ODAD1: variants seen among roughly 807,000 people sequenced by gnomAD.
ODAD1 encodes outer dynein arm-docking complex subunit 1.
In ODAD1, 49 loss-of-function variants were observed where a neutral mutation model predicts 67.2. The ratio of observed to expected loss-of-function variants is 0.73; its 90% CI spans 0.58 to 0.92. The LOEUF is 0.92. ODAD1 is among the 40% of genes least tolerant of loss of function. The pLI is 0.00. For missense variants in ODAD1, 897 were observed against 953.7 expected (o/e 0.94, Z 0.78); for synonymous variants, 345 against 393.7 (o/e 0.88, Z 1.46).
Position 48,318,958 on chromosome 19 carries a change from C to A in ODAD1, c.71-146G>T, listed in dbSNP as rs1600876291. The A allele has an allele frequency of 2.0e-5, 12 of 610,506 alleles. No individual in the cohort carries two copies. The East Asian group carries it at 3.3e-4, about 17-fold the overall frequency. 37.8% of individuals were successfully genotyped at this position (610,506 alleles called of 1,614,324 possible). On this transcript the variant is annotated intron_variant, in intron 3 of 15. Transcript: ENST00000674294. ...AGCCCCCAACACCCCTCTAGGAATGCACCTCAGTTCCGGGATCCCTCGAGC... is the reference window on the plus strand; with the variant it reads ...AGCCCCCAACACCCCTCTAGGAATGAACCTCAGTTCCGGGATCCCTCGAGC...
intron 1 of ODAD1, among the ~76,000 whole-genome samples, chr19:48,321,198 A>T (rs1221929184): frequency 6.6e-6 from 1 of 152,208 alleles, no homozygotes; most frequent in Non-Finnish European, 1.5e-5. Flanking sequence ...AGATCCCGCC[A>T]CTGCACTCCA....
chr19:48,296,917 GAC>G lies in ODAD1; in HGVS notation c.*57_*58del. ...CCACAAGGCAAACAGGGGAAGTAGA[GAC>G]ACAAAAAAAGACCCCACAGAGAGCC... On this transcript the variant is annotated 3_prime_UTR_variant, in exon 16 of 16. Transcript: ENST00000674294. 1 of 1,487,562 alleles carries G rather than the reference GAC, an allele frequency of 6.7e-7. No homozygotes were observed. Among genetic ancestry groups the G allele is most frequent in the South Asian group, 1.4e-5 (1 of 73,502 alleles). The allele number at this position is 1,487,562 out of a possible 1,614,324, so 92.1% of individuals were successfully genotyped here. A position where few individuals can be genotyped will look rare whatever the true frequency, so the allele number is the denominator to read the frequency against.
intron 12 of ODAD1, among the ~76,000 whole-genome samples, chr19:48,300,270 T>A (rs28860013): frequency 0.027 from 4,073 of 152,148 alleles, 166 homozygotes; most frequent in African/African-American, 0.086. Flanking sequence ...GCCACTGCAC[T>A]CCAGCCTGGG....
At chr19:48,303,331 C>T (rs1029912262) in intron 10 of ODAD1, 11 of 610,152 alleles carry the variant, frequency 1.8e-5, no homozygotes, top group African/African-American at 5.6e-5. Context: ...GCCAGAGACT[C>T]GGCAATAGCA....
At chr19:48,314,659 T>A (rs1968852419) in intron 5 of ODAD1, among the ~76,000 whole-genome samples, 1 of 151,924 alleles carries the variant, frequency 6.6e-6, no homozygotes, top group South Asian at 2.1e-4. Context: ...ACCCAATTGT[T>A]GGTGGGCGCA....
rs1227970016 is a variant in ODAD1, at chr19:48,318,543, G to T, written c.204C>A (p.Gly68=). The change falls in exon 5 of 16, where the codon GGC becomes GGA. Residue 68 remains glycine, a synonymous_variant. Coordinates refer to ENST00000674294, the MANE Select transcript of ODAD1 (RefSeq NM_001364171.2). ...EEIRRLEEVR[G]DLQVQISAAQ... ...CTGCGCTGATCTGCACCTGGAGATC[G>T]CCCCGTACCTCCTCCAAGCGCCGGA... The T allele has an allele frequency of 1.9e-6, 3 of 1,551,436 alleles. No individual in the cohort carries two copies. The highest frequency in any genetic ancestry group is 2.6e-6 in the Non-Finnish European group (3 of 1,146,930).
chr19:48,297,115 G>GTCC lies in ODAD1; in HGVS notation c.1984_1985insGGA (p.Asn661_Thr662insArg). ...GCCTCCGCTCTCCACACCACCCTCT[G>GTCC]TGTTTTCTCCGCCCCTGCTGGACCC... On this transcript the variant is annotated inframe_insertion, in exon 16 of 16. Coordinates refer to ENST00000674294, the MANE Select transcript of ODAD1 (RefSeq NM_001364171.2). 6.2e-7 allele frequency: 1 copy of GTCC among 1,613,646 alleles called. No homozygotes were observed. The highest frequency in any genetic ancestry group is 8.5e-7 in the Non-Finnish European group (1 of 1,179,678).
At chr19:48,306,877 T>C (rs1439231245) in intron 7 of ODAD1, among the ~76,000 whole-genome samples, 2 of 151,288 alleles carry the variant, frequency 1.3e-5, no homozygotes, top group Non-Finnish European at 2.9e-5. Flanking sequence ...AGAAACTCCA[T>C]CTCTATTAAA....
chr19:48,318,328 AG>A, intron 5 of ODAD1, 58 bp downstream of exon 5: 1 of 1,425,588 alleles, frequency 7.0e-7, no homozygotes, highest in Non-Finnish European at 9.6e-7. Flanking sequence ...GCTAAGGCTC[AG>A]GGAGGTTACA....
At position 48,297,594 on chromosome 19, in the gene ODAD1, T is replaced by C. The variant is rs2147308351; in HGVS notation, c.1577A>G (p.Lys526Arg). 1.9e-6 allele frequency: 3 copies of C among 1,550,504 alleles called. No individual in the cohort carries two copies. In the South Asian group the frequency reaches 3.7e-5, roughly 19 times the overall value. Residue 526 changes from lysine to arginine, a missense_variant, in exon 15 of 16, where the codon AAG becomes AGG. Physicochemically the swap from Lys to Arg is conservative, Grantham distance 26 (BLOSUM62 2). Transcript: ENST00000674294. The part of the protein sequence containing the change: ...SREELLSQVE[K>R]LVELQEQAEA... ...CCCCGCAGGCCCCACTCTCACCAGC[T>C]TCTCCACTTGGCTCAGCAGCTCCTC... is the stretch of plus-strand genomic sequence containing the variant.
chr19:48,300,127 G>A (rs55677101), intron 12 of ODAD1, among the ~76,000 whole-genome samples: 13,733 of 151,972 alleles, frequency 0.09, 922 homozygotes, highest in Middle Eastern at 0.14. Context: ...CCAACATGGC[G>A]AAACCCCGTC....
intron 12 of ODAD1, among the ~76,000 whole-genome samples, chr19:48,300,637 G>C (rs534282604): frequency 2.0e-5 from 3 of 152,170 alleles, no homozygotes; most frequent in African/African-American, 7.2e-5. Context: ...CTAGTATCTA[G>C]AATATACAAA....
At chr19:48,314,801 C>T (rs1248379408) in intron 5 of ODAD1, among the ~76,000 whole-genome samples, 1 of 151,804 alleles carries the variant, frequency 6.6e-6, no homozygotes, top group Non-Finnish European at 1.5e-5. Context: ...ATTAGCTGGG[C>T]GTAATGGCAC....
At chr19:48,304,231 G>A (rs925233835) in intron 8 of ODAD1, 91 bp from the exon 9 acceptor site, 5 of 1,326,904 alleles carry the variant, frequency 3.8e-6, no homozygotes, top group Admixed American at 5.0e-5. Flanking sequence ...CAGAGGTTGT[G>A]GGGGGTGAGG....
chr19:48,321,358 AG>A (rs1969025341), intron 1 of ODAD1, among the ~76,000 whole-genome samples: 1 of 151,670 alleles, frequency 6.6e-6, no homozygotes, highest in South Asian at 2.1e-4. Context: ...GTGAGGCCTG[AG>A]AGGGGCGTGC....
intron 8 of ODAD1, 109 bp downstream of exon 8, chr19:48,306,147 T>C (rs1433462280): frequency 4.9e-5 from 72 of 1,455,254 alleles, no homozygotes; most frequent in Non-Finnish European, 6.1e-5. Context: ...GGAGAAAAAA[T>C]AGGTTCTGAC....
rs1491055290 is a variant in ODAD1, at chr19:48,312,410, TTG to T, written c.361-296_361-295del. ...GCCTGACTCCTTTCCGTTTTTTTTT[TTG>T]TTTTTTTTTTTTTTTTTTTTGAGAC... On this transcript the variant is annotated intron_variant, in intron 5 of 15. Coordinates refer to ENST00000674294, the MANE Select transcript of ODAD1 (RefSeq NM_001364171.2). 4.0e-4 allele frequency among the ~76,000 whole-genome samples: 34 copies of T among 83,958 alleles called. 1 individual carries two copies. Among genetic ancestry groups the T allele is most frequent in the African/African-American group, 1.4e-3 (24 of 16,914 alleles). The allele number at this position is 83,958 out of a possible 152,430, so 55.1% of individuals were successfully genotyped here.
intron 5 of ODAD1, among the ~76,000 whole-genome samples, chr19:48,315,078 A>C (rs1476308220): frequency 3.3e-5 from 5 of 151,024 alleles, no homozygotes; most frequent in Admixed American, 2.0e-4. Flanking sequence ...TCTTTCTTTT[A>C]TTTTTTCTTT....
At chr19:48,314,448 C>T (rs75479282) in intron 5 of ODAD1, among the ~76,000 whole-genome samples, 3,506 of 152,292 alleles carry the variant, frequency 0.023, 51 homozygotes, top group Middle Eastern at 0.078. Flanking sequence ...AAAGATACCC[C>T]AGAAGGCTGC....
Sources: allele counts gnomAD v4.1 joint callset (sites outside exome capture counted in the v4.1 genomes callset), GRCh38; gene constraint gnomAD v4.1.1; transcripts MANE v1.5; gene names NCBI Gene and HGNC (gene_info 2026-07-23, HGNC 2026-07-21).